Variants in DENND6A observed in about 807,000 individuals in gnomAD.
DENND6A encodes the protein DENN domain containing 6A.
Under a neutral mutation model 95.5 loss-of-function variants are expected in DENND6A, and 43 were observed. The observed-to-expected ratio is 0.45, with a 90% CI of 0.35 to 0.58. The LOEUF (loss-of-function observed/expected upper bound fraction) is 0.58, where lower values mean the gene tolerates loss of function less well. DENND6A is among the 20% of genes least tolerant of loss of function. The pLI is 0.00. For synonymous variants in DENND6A, 257 were observed against 260.4 expected (o/e 0.99, Z 0.13); for missense variants, 574 against 736.0 (o/e 0.78, Z 2.55).
At position 57,628,894 on chromosome 3, in the gene DENND6A, A is replaced by G. The variant is rs766275837; in HGVS notation, c.1621-9T>C. On this transcript the variant is annotated splice_polypyrimidine_tract_variant and intron_variant, in intron 18 of 19. Coordinates refer to ENST00000311128, the MANE Select transcript of DENND6A (RefSeq NM_152678.3). Reference sequence around the variant, plus strand: ...ATCCAGAGAAGTAAGTCCTAGAATAAATAAAGTCCCAAATCAGTAAGTTCT... The same window carrying G: ...ATCCAGAGAAGTAAGTCCTAGAATAGATAAAGTCCCAAATCAGTAAGTTCT... 7 of 1,608,652 alleles carry G rather than the reference A, an allele frequency of 4.4e-6. No homozygotes were observed. In the South Asian group the frequency reaches 6.7e-5, roughly 15 times the overall value.
intron 1 of DENND6A, among the ~76,000 whole-genome samples, chr3:57,681,292 C>T (rs1319389340): frequency 1.3e-5 from 2 of 151,854 alleles, no homozygotes; most frequent in African/African-American, 2.4e-5. Context: ...AGTGAAACCC[C>T]GTCTCTACTA....
intron 3 of DENND6A, among the ~76,000 whole-genome samples, chr3:57,671,782 C>G (rs527255947): frequency 6.6e-6 from 1 of 152,072 alleles, no homozygotes; most frequent in Non-Finnish European, 1.5e-5. Context: ...TTTTTCTATA[C>G]ACCAAGCACT....
chr3:57,678,707 C>G (rs2077131084), intron 1 of DENND6A, among the ~76,000 whole-genome samples: 1 of 152,212 alleles, frequency 6.6e-6, no homozygotes, highest in East Asian at 1.9e-4. Context: ...AAGAACACAG[C>G]CATCTGCAAG....
intron 1 of DENND6A, among the ~76,000 whole-genome samples, chr3:57,673,405 G>A (rs1443242378): frequency 6.6e-6 from 1 of 151,984 alleles, no homozygotes; most frequent in Admixed American, 6.6e-5. Flanking sequence ...ATGATGGTAA[G>A]TTACCAGAGG....
chr3:57,659,111 A>G lies in DENND6A; in HGVS notation c.762+7T>C. The G allele has an allele frequency of 6.2e-7, 1 of 1,613,982 alleles. No individual in the cohort carries two copies. The highest frequency in any genetic ancestry group is 8.5e-7 in the Non-Finnish European group (1 of 1,179,920). On this transcript the variant is annotated splice_region_variant and intron_variant, in intron 8 of 19. Transcript: ENST00000311128. ...TGCTGGATCATTCTACCATAGTACC[A>G]CACTACCTGCTGAGTTAACTGCACT...
At chr3:57,684,883 C>T (rs2077198481) in intron 1 of DENND6A, among the ~76,000 whole-genome samples, 2 of 151,998 alleles carry the variant, frequency 1.3e-5, no homozygotes, top group Non-Finnish European at 2.9e-5. Context: ...GCAGGAGGTT[C>T]CCTTGAGTCC....
At chr3:57,670,287 G>C (rs896889865) in intron 3 of DENND6A, among the ~76,000 whole-genome samples, 2 of 152,116 alleles carry the variant, frequency 1.3e-5, no homozygotes, top group African/African-American at 4.8e-5. Flanking sequence ...GCATACAAAG[G>C]CTTCAGAGAA....
chr3:57,672,417 T>C lies in DENND6A; in HGVS notation c.259A>G (p.Lys87Glu), dbSNP rs1436296150. ...AVEVIYPQHS[K>E]LTDREKTNIC... The stretch of plus-strand genomic sequence containing the variant: ...TTACTTACTTCTCTGTCAGTAAGTT[T>C]GGAATGCTGAGGATAAATTACCTGG... The change falls in exon 2 of 20, where the codon AAA (lysine) becomes GAA (glutamate). Residue 87 changes from lysine to glutamate, a missense_variant. Transcript: ENST00000311128. The C allele has an allele frequency of 6.2e-7, 1 of 1,612,700 alleles. No individual in the cohort carries two copies. Among genetic ancestry groups the C allele is most frequent in the Non-Finnish European group, 8.5e-7 (1 of 1,179,414 alleles).
chr3:57,652,221 G>A (rs1171694697), intron 9 of DENND6A, among the ~76,000 whole-genome samples: 3 of 152,116 alleles, frequency 2.0e-5, no homozygotes, highest in Non-Finnish European at 2.9e-5. Context: ...TGAGTCATAC[G>A]GGACACTGTG....
At chr3:57,634,845 A>T in intron 12 of DENND6A, 76 bp from the exon 13 acceptor site, 2 of 1,213,748 alleles carry the variant, frequency 1.6e-6, no homozygotes, top group Non-Finnish European at 2.2e-6. Flanking sequence ...TATAAGATTT[A>T]TAATCTGTTT....
At chr3:57,645,589 T>A in intron 11 of DENND6A, 72 bp downstream of exon 11, 2 of 1,158,772 alleles carry the variant, frequency 1.7e-6, no homozygotes, top group Non-Finnish European at 1.2e-6. Context: ...TAAGCTTTTA[T>A]TACCAAAAAT....
At chr3:57,689,581 GACA>G (rs1238543342) in intron 1 of DENND6A, among the ~76,000 whole-genome samples, 4 of 152,056 alleles carry the variant, frequency 2.6e-5, no homozygotes, top group Non-Finnish European at 5.9e-5. Flanking sequence ...CTTCACTTAG[GACA>G]GGGCCTTAAA....
intron 9 of DENND6A, among the ~76,000 whole-genome samples, chr3:57,655,354 A>G (rs1234858135): frequency 1.3e-5 from 2 of 152,204 alleles, no homozygotes; most frequent in Non-Finnish European, 2.9e-5. Context: ...TTTAAAAACA[A>G]CAAACTTACT....
intron 7 of DENND6A, 92 bp from the exon 8 acceptor site, chr3:57,659,272 G>A: frequency 7.4e-7 from 1 of 1,352,392 alleles, no homozygotes; most frequent in Admixed American, 1.8e-5. Flanking sequence ...GGTCAGTAAT[G>A]CCAAAAAAGC....
chr3:57,652,193 A>G (rs1179943792), intron 9 of DENND6A, among the ~76,000 whole-genome samples: 2 of 152,332 alleles, frequency 1.3e-5, no homozygotes, highest in East Asian at 3.9e-4. Flanking sequence ...AGAAATGACA[A>G]TGTACAACTT....
intron 5 of DENND6A, among the ~76,000 whole-genome samples, chr3:57,663,365 G>A (rs1329757964): frequency 6.8e-6 from 1 of 147,284 alleles, no homozygotes; most frequent in Non-Finnish European, 1.5e-5. Flanking sequence ...CTTGGGAGAC[G>A]GAGGCACAGA....
intron 1 of DENND6A, among the ~76,000 whole-genome samples, chr3:57,675,644 C>T (rs1167224947): frequency 6.6e-6 from 1 of 152,124 alleles, no homozygotes; most frequent in Non-Finnish European, 1.5e-5. Context: ...CCCCACAGCC[C>T]CTGCAAGGAA....
chr3:57,641,822 CTT>C, intron 11 of DENND6A, 75 bp from the exon 12 acceptor site: 1 of 1,213,516 alleles, frequency 8.2e-7, no homozygotes, highest in Non-Finnish European at 1.2e-6. Flanking sequence ...GAATAGTTTA[CTT>C]TTTTTTTCAA....
intron 11 of DENND6A, among the ~76,000 whole-genome samples, chr3:57,643,219 G>A (rs1222551652): frequency 2.6e-5 from 4 of 152,136 alleles, no homozygotes; most frequent in African/African-American, 9.7e-5. Context: ...TGTGGGGCAT[G>A]TTACAAAGGA....
Sources: allele counts gnomAD v4.1 joint callset (sites outside exome capture counted in the v4.1 genomes callset), GRCh38; gene constraint gnomAD v4.1.1; transcripts MANE v1.5; gene names NCBI Gene and HGNC (gene_info 2026-07-23, HGNC 2026-07-21).